Variants in N4BP2 observed in about 807,000 individuals in gnomAD.
The protein encoded by N4BP2 is NEDD4 binding protein 2, also known as NEDD4-binding protein 2.
N4BP2 carries 91 observed loss-of-function variants against 152.8 expected under a neutral mutation model. That is an observed-to-expected ratio of 0.60 (90% CI 0.50 to 0.71). The LOEUF (loss-of-function observed/expected upper bound fraction) is 0.71. Ranked by LOEUF, N4BP2 falls within the 30% of genes least tolerant of loss-of-function variation. The pLI is 0.00. For missense variants in N4BP2, 1,923 were observed against 2,059.1 expected (o/e 0.93, Z 1.28); for synonymous variants, 646 against 705.3 (o/e 0.92, Z 1.33).
intron 2 of N4BP2, among the ~76,000 whole-genome samples, chr4:40,076,300 ACT>A (rs1712724024): frequency 6.6e-6 from 1 of 151,708 alleles, no homozygotes; most frequent in South Asian, 2.1e-4. Flanking sequence ...TCATGGTGAA[ACT>A]CTGTCTCTAC....
the N4BP2 span, among the ~76,000 whole-genome samples, chr4:40,183,637 A>C: frequency 6.6e-6 from 1 of 152,194 alleles, no homozygotes; most frequent in Admixed American, 6.5e-5. Flanking sequence ...CGACCGGCCT[A>C]CTTTTTACAT....
intron 13 of N4BP2, among the ~76,000 whole-genome samples, chr4:40,134,411 A>G (rs939903052): frequency 7.2e-5 from 11 of 152,004 alleles, no homozygotes; most frequent in African/African-American, 2.4e-4. Flanking sequence ...ATGGTCAGTG[A>G]TTGGTCAGCC....
At chr4:40,151,634 A>G (rs1048034018) in intron 16 of N4BP2, among the ~76,000 whole-genome samples, 1 of 152,230 alleles carries the variant, frequency 6.6e-6, no homozygotes, top group African/African-American at 2.4e-5. Context: ...TTATAGGTAT[A>G]TAGTGCAAAA....
Position 40,107,389 on chromosome 4 carries a change from A to AT in N4BP2, c.1498+377dup, listed in dbSNP as rs367603325. Reference sequence around the variant, plus strand: ...CTGCGCCCAGTTAAATTGGCTTAGTATTTTTTTTTTTTCGAGATGGAGTCT... The same window carrying AT: ...CTGCGCCCAGTTAAATTGGCTTAGTATTTTTTTTTTTTTCGAGATGGAGTCT... On this transcript the variant is annotated intron_variant, in intron 5 of 17. Transcript: ENST00000261435. 2.2e-3 allele frequency among the ~76,000 whole-genome samples: 309 copies of AT among 143,270 alleles called. 3 individuals are homozygous for AT. In the South Asian group the frequency reaches 0.027, roughly 12 times the overall value. 94.0% of individuals were successfully genotyped at this position (143,270 alleles called of 152,430 possible).
chr4:40,186,292 T>A, the N4BP2 span, among the ~76,000 whole-genome samples: 1 of 152,178 alleles, frequency 6.6e-6, no homozygotes, highest in Non-Finnish European at 1.5e-5. Context: ...TAAAAATCAC[T>A]GGTTATTATG....
chr4:40,183,609 T>A, the N4BP2 span, among the ~76,000 whole-genome samples: 2 of 152,240 alleles, frequency 1.3e-5, no homozygotes, highest in Admixed American at 1.3e-4. Context: ...GTGCCGGGAT[T>A]ACAGGCGTGA....
chr4:40,152,560 T>C (rs1721235862), intron 16 of N4BP2, among the ~76,000 whole-genome samples: 1 of 152,218 alleles, frequency 6.6e-6, no homozygotes, highest in Non-Finnish European at 1.5e-5. Context: ...TTTTGATGGA[T>C]AGATTACAAT....
At chr4:40,111,274 A>C (rs1422252497) in intron 5 of N4BP2, among the ~76,000 whole-genome samples, 1 of 152,148 alleles carries the variant, frequency 6.6e-6, no homozygotes, top group African/African-American at 2.4e-5. Context: ...CTATAGTTTG[A>C]TTTTAATTTT....
chr4:40,121,041 TTAC>T lies in N4BP2; in HGVS notation c.2932_2934del (p.Thr978del). 1 of 1,614,092 alleles carries T rather than the reference TTAC, an allele frequency of 6.2e-7. No individual in the cohort carries two copies. The highest frequency in any genetic ancestry group is 8.5e-7 in the Non-Finnish European group (1 of 1,180,002). Reference sequence around the variant, plus strand: ...CATGGGCAACACACATCGTTGCCTCTTACTTTTACCAATAGTGCACCAACTGTT... The same window carrying T: ...CATGGGCAACACACATCGTTGCCTCTTTTTACCAATAGTGCACCAACTGTT... On this transcript the variant is annotated inframe_deletion, in exon 9 of 18. Coordinates refer to ENST00000261435, the MANE Select transcript of N4BP2 (RefSeq NM_018177.6).
chr4:40,164,405 T>G, the N4BP2 span, among the ~76,000 whole-genome samples: 3 of 152,184 alleles, frequency 2.0e-5, no homozygotes, highest in Non-Finnish European at 4.4e-5. Context: ...GGTCACAGAA[T>G]TGATACCAAA....
In N4BP2 at chr4:40,142,692, C is replaced by T. The variant is rs552628176; in HGVS notation, c.4805C>T (p.Thr1602Ile). The T allele has an allele frequency of 1.9e-6, 3 of 1,608,586 alleles. No homozygotes were observed. In the South Asian group the frequency reaches 3.3e-5, roughly 18 times the overall value. Reference protein sequence around the residue: ...KEKKPKKLKETEETPSELSFQ... With the variant: ...KEKKPKKLKEIEETPSELSFQ... ...TTATAGCCAAAGAAATTAAAAGAGA[C>T]TGAAGAAACACCAAGTGAACTGTCT... The change falls in exon 15 of 18, where the codon ACT becomes ATT. Residue 1602 changes from threonine (T) to isoleucine (I), a missense_variant. By Grantham distance (89) the Thr-to-Ile change is moderately conservative (BLOSUM62 -1). Coordinates refer to ENST00000261435, the MANE Select transcript of N4BP2 (RefSeq NM_018177.6).
At chr4:40,162,745 GAGAT>G (rs754565388), downstream of N4BP2, among the ~76,000 whole-genome samples, 1 of 152,144 alleles carries the variant, frequency 6.6e-6, no homozygotes, top group Non-Finnish European at 1.5e-5. Flanking sequence ...GAATGAATAG[GAGAT>G]AGATAGGGGA....
In N4BP2 at chr4:40,073,491, G is replaced by A. The variant is rs1352263726; in HGVS notation, c.-175G>A. 6.6e-6 allele frequency: 1 copy of A among 152,032 alleles called. No homozygotes were observed. Among genetic ancestry groups the A allele is most frequent in the East Asian group, 1.9e-4 (1 of 5,192 alleles). 9.4% of individuals were successfully genotyped at this position (152,032 alleles called of 1,614,324 possible). On this transcript the variant is annotated 5_prime_UTR_variant, in exon 2 of 18. Coordinates refer to ENST00000261435, the MANE Select transcript of N4BP2 (RefSeq NM_018177.6). ...GTTGGATAACAAGAAGAGGTGTAGA[G>A]TTTGCATATATCAACTGTGGCCTTA...
chr4:40,141,138 GGGGCTCCTCACCTCCCAGTAGGGGCAGCC>G (rs1404220247), intron 14 of N4BP2, among the ~76,000 whole-genome samples: 2 of 152,194 alleles, frequency 1.3e-5, no homozygotes, highest in East Asian at 3.9e-4. Flanking sequence ...GCCGGGCAGA[GGGGCTCCTCACCTCCCAGTAGGGGCAGCC>G]GGGCAGAGGC....
At chr4:40,145,111 A>G (rs1206296817) in intron 16 of N4BP2, among the ~76,000 whole-genome samples, 1 of 152,196 alleles carries the variant, frequency 6.6e-6, no homozygotes, top group Non-Finnish European at 1.5e-5. Flanking sequence ...TGTCCAATAG[A>G]CATTTATTAA....
intron 2 of N4BP2, among the ~76,000 whole-genome samples, chr4:40,096,078 T>C (rs1233378560): frequency 6.6e-6 from 1 of 152,098 alleles, no homozygotes; most frequent in African/African-American, 2.4e-5. Context: ...TATGTTAAGT[T>C]TGAAATGTTT....
At chr4:40,083,705 G>C (rs536691593) in intron 2 of N4BP2, among the ~76,000 whole-genome samples, 15 of 152,162 alleles carry the variant, frequency 9.9e-5, no homozygotes, top group Non-Finnish European at 1.8e-4. Flanking sequence ...GTTACTAATG[G>C]GTGGTGGGGT....
chr4:40,161,044 A>G (rs1393666685), downstream of N4BP2, among the ~76,000 whole-genome samples: 1 of 152,196 alleles, frequency 6.6e-6, no homozygotes, highest in African/African-American at 2.4e-5. Context: ...AGCAGAAGAG[A>G]CCAAAAACTC....
chr4:40,150,289 TACC>T (rs1409117574), intron 16 of N4BP2, among the ~76,000 whole-genome samples: 7 of 152,220 alleles, frequency 4.6e-5, no homozygotes, highest in Admixed American at 2.6e-4. Context: ...TAGAACTGAC[TACC>T]ATTTTATAGG....
Sources: allele counts gnomAD v4.1 joint callset (sites outside exome capture counted in the v4.1 genomes callset), GRCh38; gene constraint gnomAD v4.1.1; transcripts MANE v1.5; gene names NCBI Gene and HGNC (gene_info 2026-07-23, HGNC 2026-07-21).